ROR1: variants seen among roughly 807,000 people sequenced by gnomAD.
The protein encoded by ROR1 is ROR family WNT receptor 1, also known as inactive tyrosine-protein kinase transmembrane receptor ROR1.
A neutral mutation model predicts 78.8 loss-of-function variants in ROR1; 19 were observed. The observed-to-expected ratio is 0.24, with a 90% confidence interval of 0.17 to 0.35. ROR1 has a LOEUF of 0.35. ROR1 is among the 10% of genes least tolerant of loss of function. The pLI is 1.00. For synonymous variants in ROR1, 386 were observed against 433.6 expected (o/e 0.89, Z 1.36); for missense variants, 917 against 1,177.8 (o/e 0.78, Z 3.24).
intron 4 of ROR1, among the ~76,000 whole-genome samples, chr1:64,071,168 T>G (rs1647000620): frequency 6.6e-6 from 1 of 152,180 alleles, no homozygotes; most frequent in African/African-American, 2.4e-5. Context: ...TACGCGTTAC[T>G]TAGCTGTGCA....
chr1:64,092,503 G>A (rs1647207786), intron 4 of ROR1, among the ~76,000 whole-genome samples: 1 of 151,736 alleles, frequency 6.6e-6, no homozygotes, highest in African/African-American at 2.4e-5. Context: ...TCATGGAGGT[G>A]TCTTGAGAGT....
At chr1:64,064,334 G>T (rs1473828535) in intron 4 of ROR1, among the ~76,000 whole-genome samples, 2 of 152,200 alleles carry the variant, frequency 1.3e-5, no homozygotes, top group African/African-American at 4.8e-5. Context: ...CACTGCTGGG[G>T]TTATCACCCA....
intron 2 of ROR1, among the ~76,000 whole-genome samples, chr1:64,034,183 A>ATT (rs35110436): frequency 5.6e-5 from 8 of 144,124 alleles, no homozygotes; most frequent in South Asian, 2.2e-4. Context: ...TTGCTTTTTC[A>ATT]TTTTTTTTTT....
chr1:63,828,568 A>C (rs1167004431), intron 1 of ROR1, among the ~76,000 whole-genome samples: 1 of 152,188 alleles, frequency 6.6e-6, no homozygotes, highest in Admixed American at 6.5e-5. Context: ...AGCAGTTTTC[A>C]GTTGATCAAC....
intron 1 of ROR1, among the ~76,000 whole-genome samples, chr1:63,940,342 G>T (rs1645826449): frequency 6.6e-6 from 1 of 152,122 alleles, no homozygotes; most frequent in Non-Finnish European, 1.5e-5. Flanking sequence ...CCAGCTTGAA[G>T]GTCTTCTGCT....
chr1:63,795,052 T>C (rs1644751674), intron 1 of ROR1, among the ~76,000 whole-genome samples: 1 of 151,988 alleles, frequency 6.6e-6, no homozygotes, highest in African/African-American at 2.4e-5. Flanking sequence ...TGCCATGCAG[T>C]GAAGGGAGGT....
chr1:64,181,459 T>G lies in ROR1; in HGVS notation c.*2604T>G, dbSNP rs1192190032. On this transcript the variant is annotated 3_prime_UTR_variant, in exon 9 of 9. Transcript: ENST00000371079. ...ACCAGAGATGATATTAAACACTGAT[T>G]ATTTTATGCTGCTGTTTATTAAAAA... 1 of 152,194 alleles carries G rather than the reference T, an allele frequency of 6.6e-6. No individual in the cohort carries two copies. The highest frequency in any genetic ancestry group is 1.5e-5 in the Non-Finnish European group (1 of 67,998). 9.4% of individuals were successfully genotyped at this position (152,194 alleles called of 1,614,324 possible).
intron 4 of ROR1, 36 bp downstream of exon 4, chr1:64,050,752 G>C (rs773997657): frequency 1.2e-6 from 2 of 1,606,052 alleles, no homozygotes; most frequent in Non-Finnish European, 1.7e-6. Flanking sequence ...TCATTTCTAA[G>C]TGTTTCTCCG....
intron 8 of ROR1, among the ~76,000 whole-genome samples, chr1:64,162,104 A>C (rs929847227): frequency 6.6e-6 from 1 of 152,210 alleles, no homozygotes; most frequent in African/African-American, 2.4e-5. Context: ...AATCAAAAGA[A>C]TATTTGGAGG....
intron 2 of ROR1, 112 bp from the exon 3 acceptor site, chr1:64,049,579 T>G: frequency 1.1e-6 from 1 of 912,078 alleles, no homozygotes; most frequent in South Asian, 1.6e-5. Context: ...CTCACCTGCC[T>G]CTCCTGCTCA....
intron 7 of ROR1, chr1:64,143,352 C>A: frequency 1.1e-6 from 1 of 945,724 alleles, no homozygotes; most frequent in Non-Finnish European, 1.3e-6. Flanking sequence ...GAGACTCCAT[C>A]TCTACCAAAA....
chr1:63,798,132 C>T (rs981439105), intron 1 of ROR1, among the ~76,000 whole-genome samples: 1 of 152,136 alleles, frequency 6.6e-6, no homozygotes, highest in Non-Finnish European at 1.5e-5. Context: ...CTCAGTCAGG[C>T]ATTTTTCCAC....
intron 1 of ROR1, among the ~76,000 whole-genome samples, chr1:63,825,975 A>C (rs1324851959): frequency 6.6e-6 from 1 of 152,218 alleles, no homozygotes; most frequent in Admixed American, 6.5e-5. Flanking sequence ...AGAAATAAAT[A>C]CAAGGAAATA....
At chr1:64,119,476 T>TA (rs1648444101) in intron 4 of ROR1, among the ~76,000 whole-genome samples, 2 of 151,800 alleles carry the variant, frequency 1.3e-5, no homozygotes, top group East Asian at 3.9e-4. Context: ...TCGTCTCTAC[T>TA]AAAAATACGA....
chr1:64,113,251 G>T (rs1648181293), intron 4 of ROR1, among the ~76,000 whole-genome samples: 2 of 152,158 alleles, frequency 1.3e-5, no homozygotes, highest in African/African-American at 4.8e-5. Flanking sequence ...GGAAGAGATT[G>T]TATTTTCTTC....
At chr1:63,882,169 G>A (rs1170044886) in intron 1 of ROR1, among the ~76,000 whole-genome samples, 1 of 152,152 alleles carries the variant, frequency 6.6e-6, no homozygotes, top group Non-Finnish European at 1.5e-5. Flanking sequence ...AGGCAAAGAA[G>A]CAAAGTTGGA....
intron 1 of ROR1, among the ~76,000 whole-genome samples, chr1:63,842,372 A>G (rs1483827658): frequency 6.6e-6 from 1 of 152,224 alleles, no homozygotes; most frequent in Non-Finnish European, 1.5e-5. Context: ...CTGTTTCTCC[A>G]AGACCCAACT....
intron 2 of ROR1, among the ~76,000 whole-genome samples, chr1:64,022,931 T>C (rs1646576551): frequency 6.6e-6 from 1 of 152,150 alleles, no homozygotes; most frequent in African/African-American, 2.4e-5. Context: ...TGTTTTTACT[T>C]TATAATAACA....
intron 7 of ROR1, among the ~76,000 whole-genome samples, chr1:64,150,474 G>A (rs1023126469): frequency 5.3e-5 from 8 of 152,168 alleles, no homozygotes; most frequent in Admixed American, 3.9e-4. Flanking sequence ...TTTACAGTTC[G>A]GGGCAAGGCA....
Sources: allele counts gnomAD v4.1 joint callset (sites outside exome capture counted in the v4.1 genomes callset), GRCh38; gene constraint gnomAD v4.1.1; transcripts MANE v1.5; gene names NCBI Gene and HGNC (gene_info 2026-07-23, HGNC 2026-07-21).